The following SYNGR2 variants were observed in gnomAD, a reference collection of about 807,000 sequenced individuals.
The protein encoded by SYNGR2 is synaptogyrin-2.
SYNGR2 carries 11 observed loss-of-function variants against 18.7 expected under a neutral mutation model. The ratio of observed to expected loss-of-function variants is 0.59; its 90% CI spans 0.37 to 0.97. SYNGR2 has a LOEUF of 0.97. SYNGR2 is among the 50% of genes least tolerant of loss of function. The pLI, the probability that SYNGR2 is intolerant of heterozygous loss-of-function variation, is 0.01. For missense variants in SYNGR2, 253 were observed against 300.7 expected, an observed-to-expected ratio of 0.84 and a Z score of 1.17; for synonymous variants, 127 against 131.0, an observed-to-expected ratio of 0.97 and a Z score of 0.21.
chr17:78,169,057 C>G (rs1311430333), intron 1 of SYNGR2: 1 of 166,682 alleles, frequency 6.0e-6, no homozygotes, highest in Non-Finnish European at 1.3e-5. Context: ...GCCGCGACTC[C>G]CAGATTGGGG....
rs2075668132 is a variant in SYNGR2, at chr17:78,172,524, T to TCTTGCTCTCAGCAAGA, written c.*588_*589insCTTGCTCTCAGCAAGA. 6.4e-6 allele frequency: 1 copy of TCTTGCTCTCAGCAAGA among 156,812 alleles called. No homozygotes were observed. Among genetic ancestry groups the TCTTGCTCTCAGCAAGA allele is most frequent in the African/African-American group, 2.4e-5 (1 of 41,572 alleles). The allele number at this position is 156,812 out of a possible 1,614,324, so 9.7% of individuals were successfully genotyped here. ...GGCACTTCCTCCTTGCTCCCACCCC[T>TCTTGCTCTCAGCAAGA]GGCAGCAGGGAAGGGCTTTGCCTGA... On this transcript the variant is annotated 3_prime_UTR_variant, in exon 4 of 4. Transcript: ENST00000225777.
chr17:78,171,888 C>T lies in SYNGR2; in HGVS notation c.627C>T (p.Thr209=). The part of the protein sequence containing the change: ...SVDNYQQPPF[T]QNAETTEGYQ... ...ACAACTACCAACAGCCACCCTTCACCCAGAACGCGGAGACCACCGAGGGCT... is the reference window on the plus strand; with the variant it reads ...ACAACTACCAACAGCCACCCTTCACTCAGAACGCGGAGACCACCGAGGGCT... The change falls in exon 4 of 4, where the codon ACC becomes ACT. Residue 209 remains threonine (T), a synonymous_variant. Coordinates refer to ENST00000225777, the MANE Select transcript of SYNGR2 (RefSeq NM_004710.7). This position sits in a 1 kb window ranked among gnomAD's most constrained non-coding sequence, Gnocchi z 6.6. The T allele has an allele frequency of 6.2e-7, 1 of 1,613,894 alleles. No homozygotes were observed. Among genetic ancestry groups the T allele is most frequent in the East Asian group, 2.2e-5 (1 of 44,880 alleles).
At position 78,170,845 on chromosome 17, in the gene SYNGR2, T is replaced by C. The variant is rs1172035784; in HGVS notation, c.128T>C (p.Ile43Thr). 1 of 1,612,410 alleles carries C rather than the reference T, an allele frequency of 6.2e-7. No homozygotes were observed. Among genetic ancestry groups the C allele is most frequent in the African/African-American group, 1.3e-5 (1 of 74,928 alleles). ...LVFALIVFSC[I>T]YGEGYSNAHE... Reference sequence around the variant, plus strand: ...TTCGCCTTGATCGTGTTCTCCTGCATCTATGGTGAGGGCTACAGCAATGCC... The same window carrying C: ...TTCGCCTTGATCGTGTTCTCCTGCACCTATGGTGAGGGCTACAGCAATGCC... The change falls in exon 2 of 4, where the codon ATC (isoleucine) becomes ACC (threonine). Residue 43 changes from isoleucine (I) to threonine (T), a missense_variant. Ile to Thr is a moderately conservative substitution (Grantham distance 89). Transcript: ENST00000225777.
chr17:78,170,647 T>A (rs1402721280), intron 1 of SYNGR2, 170 bp from the exon 2 acceptor site: 3 of 674,762 alleles, frequency 4.4e-6, no homozygotes, highest in Non-Finnish European at 7.9e-6. Context: ...ATCGCACTAT[T>A]GCACTCCAGC....
chr17:78,168,975 G>T (rs1234653817), intron 1 of SYNGR2, among the ~76,000 whole-genome samples: 2 of 145,806 alleles, frequency 1.4e-5, no homozygotes, highest in East Asian at 2.2e-4. Context: ...CCGGATCTCC[G>T]CAGGGAGCGG....
Position 78,172,024 on chromosome 17 carries a change from C to T in SYNGR2, c.*88C>T, listed in dbSNP as rs1389640565. The T allele has an allele frequency of 1.9e-6, 3 of 1,590,682 alleles. No homozygotes were observed. On this transcript the variant is annotated 3_prime_UTR_variant, in exon 4 of 4. Coordinates refer to ENST00000225777, the MANE Select transcript of SYNGR2 (RefSeq NM_004710.7). ...GAGCCTCCTGGAACTGCCAGCCCCT[C>T]TCTTTCACCTGTTCCATCCTGTGCA... is the stretch of plus-strand genomic sequence containing the variant.
In SYNGR2 at chr17:78,168,698, G is replaced by T. The variant is rs142608913; in HGVS notation, c.82G>T (p.Ala28Ser). The part of the protein sequence containing the change: ...RRFLTQPQVV[A>S]RAVCLVFALI... ...CTTCCTGACGCAGCCGCAGGTGGTG[G>T]CGCGCGCCGTGTGCTTGGTGAGCCC... The change falls in exon 1 of 4, where the codon GCG becomes TCG. Residue 28 changes from alanine (A) to serine (S), a missense_variant. Transcript: ENST00000225777. The T allele has an allele frequency of 8.0e-3, 9,668 of 1,202,120 alleles. 581 individuals are homozygous for T. The African/African-American group carries it at 0.13, about 17-fold the overall frequency. 74.5% of individuals were successfully genotyped at this position (1,202,120 alleles called of 1,614,324 possible).
chr17:78,171,082 T>C lies in SYNGR2; in HGVS notation c.337+28T>C. ...ATCTGCCTGTGGCACCTCCATTTGA[T>C]CTTGGGGGAGGCATTAACTCTAGGG... On this transcript the variant is annotated intron_variant, in intron 2 of 3. Coordinates refer to ENST00000225777, the MANE Select transcript of SYNGR2 (RefSeq NM_004710.7). This position sits in a 1 kb window ranked among gnomAD's most constrained non-coding sequence, Gnocchi z 6.6. The C allele has an allele frequency of 6.2e-7, 1 of 1,604,100 alleles. No homozygotes were observed. Among genetic ancestry groups the C allele is most frequent in the South Asian group, 1.1e-5 (1 of 90,954 alleles).
rs2075664388 is a variant in SYNGR2, at chr17:78,172,117, G to A, written c.*181G>A. The A allele has an allele frequency of 1.1e-5, 16 of 1,402,216 alleles. No homozygotes were observed. Among genetic ancestry groups the A allele is most frequent in the Non-Finnish European group, 1.5e-5 (16 of 1,065,582 alleles). 86.9% of individuals were successfully genotyped at this position (1,402,216 alleles called of 1,614,324 possible). On this transcript the variant is annotated 3_prime_UTR_variant, in exon 4 of 4. Coordinates refer to ENST00000225777, the MANE Select transcript of SYNGR2 (RefSeq NM_004710.7). The stretch of plus-strand genomic sequence containing the variant: ...GCAGAGCCACACCCCAAGTGCCTGT[G>A]CCCAGAGGGCTTCAGTCAGCCGCTC...
Position 78,172,332 on chromosome 17 carries a change from G to A in SYNGR2, c.*396G>A, listed in dbSNP as rs755157102. On this transcript the variant is annotated 3_prime_UTR_variant, in exon 4 of 4. Transcript: ENST00000225777. The stretch of plus-strand genomic sequence containing the variant: ...TATCTGCGTTCTCTGCCAAAGACTC[G>A]TGGGGGCCATCACACCTGCCCTGTG... The A allele has an allele frequency of 9.0e-5, 38 of 422,674 alleles. No homozygotes were observed. Among genetic ancestry groups the A allele is most frequent in the Middle Eastern group, 6.4e-4 (1 of 1,570 alleles). The allele number at this position is 422,674 out of a possible 1,614,324, so 26.2% of individuals were successfully genotyped here. A position where few individuals can be genotyped will look rare whatever the true frequency, so the allele number is the denominator to read the frequency against.
At position 78,170,806 on chromosome 17, in the gene SYNGR2, C is replaced by T. The variant is rs772357246; in HGVS notation, c.100-11C>T. 3 of 1,603,224 alleles carry T rather than the reference C, an allele frequency of 1.9e-6. No individual in the cohort carries two copies. The highest frequency in any genetic ancestry group is 1.7e-4 in the Middle Eastern group (1 of 6,040). On this transcript the variant is annotated splice_polypyrimidine_tract_variant and intron_variant, in intron 1 of 3. Transcript: ENST00000225777. ...GGCCACCAGCCCTACCAGGTCCTCC[C>T]CTCCCGGCAGGTCTTCGCCTTGATC...
rs145550918 is a variant in SYNGR2 at position 78,171,009 on chromosome 17, G to T, written c.292G>T (p.Ala98Ser). The change falls in exon 2 of 4, where the codon GCC becomes TCC. Residue 98 changes from alanine (A) to serine (S), a missense_variant. By Grantham distance (99) the Ala-to-Ser change is moderately conservative. Transcript: ENST00000225777. The surrounding 1 kb of genome is among the most constrained non-coding windows in gnomAD (Gnocchi z 6.6). ...VDAYFPQISN[A>S]TDRKYLVIGD... ...CGCGTATTTCCCCCAGATCAGCAAC[G>T]CCACTGACCGCAAGTACCTGGTCAT... The T allele has an allele frequency of 1.2e-6, 2 of 1,613,218 alleles. No individual in the cohort carries two copies. Among genetic ancestry groups the T allele is most frequent in the Admixed American group, 1.7e-5 (1 of 59,988 alleles).
In SYNGR2 at chr17:78,171,327, C is replaced by T; in HGVS notation, c.338-183C>T. 1 of 774,082 alleles carries T rather than the reference C, an allele frequency of 1.3e-6. No individual in the cohort carries two copies. The allele number at this position is 774,082 out of a possible 1,614,324, so 48.0% of individuals were successfully genotyped here. ...CCCCTAGGCTGTCTGCTGTGGCCCA[C>T]CCTGCCAAGGCCCGAGTGTGGGGGA... On this transcript the variant is annotated intron_variant, in intron 2 of 3. Coordinates refer to ENST00000225777, the MANE Select transcript of SYNGR2 (RefSeq NM_004710.7). This position sits in a 1 kb window ranked among gnomAD's most constrained non-coding sequence, Gnocchi z 6.6.
intron 1 of SYNGR2, 129 bp downstream of exon 1, chr17:78,168,844 G>A (rs112700371): frequency 0.12 from 97,722 of 790,416 alleles, 6,850 homozygotes; most frequent in Middle Eastern, 0.25. Flanking sequence ...GGCGAGCGGG[G>A]CCGGCGTCCA....
chr17:78,168,557 G>A (rs2075634414), upstream of SYNGR2: 5 of 1,072,112 alleles, frequency 4.7e-6, no homozygotes, highest in East Asian at 1.9e-4. Flanking sequence ...GTGGAGTCGG[G>A]CGGGGCGCCG....
chr17:78,171,124 G>A lies in SYNGR2; in HGVS notation c.337+70G>A. On this transcript the variant is annotated intron_variant, in intron 2 of 3. Transcript: ENST00000225777. This position sits in a 1 kb window ranked among gnomAD's most constrained non-coding sequence, Gnocchi z 6.6. ...ACTCTAGGGTTCCGCAGCTGGGAGGGTCTCGGCCTCTCTGGGAGGGGCAGG... is the reference window on the plus strand; with the variant it reads ...ACTCTAGGGTTCCGCAGCTGGGAGGATCTCGGCCTCTCTGGGAGGGGCAGG... 1.4e-6 allele frequency: 2 copies of A among 1,478,034 alleles called. No homozygotes were observed. The highest frequency in any genetic ancestry group is 1.8e-4 in the Middle Eastern group (1 of 5,672). The allele number at this position is 1,478,034 out of a possible 1,614,324, so 91.6% of individuals were successfully genotyped here.
Position 78,171,105 on chromosome 17 carries a change from G to A in SYNGR2, c.337+51G>A, listed in dbSNP as rs1422850278. 8 of 1,563,096 alleles carry A rather than the reference G, an allele frequency of 5.1e-6. No individual in the cohort carries two copies. In the South Asian group the frequency reaches 7.8e-5, roughly 15 times the overall value. On this transcript the variant is annotated intron_variant, in intron 2 of 3. Coordinates refer to ENST00000225777, the MANE Select transcript of SYNGR2 (RefSeq NM_004710.7). The surrounding 1 kb of genome is among the most constrained non-coding windows in gnomAD (Gnocchi z 6.6). ...GATCTTGGGGGAGGCATTAACTCTA[G>A]GGTTCCGCAGCTGGGAGGGTCTCGG...
intron 1 of SYNGR2, 42 bp from the exon 2 acceptor site, chr17:78,170,775 T>C: frequency 6.4e-7 from 1 of 1,569,766 alleles, no homozygotes; most frequent in Non-Finnish European, 8.7e-7. Flanking sequence ...TGTGTGCCCC[T>C]CAGGCGGCCA....
Position 78,171,777 on chromosome 17 carries a change from T to G in SYNGR2, c.516T>G (p.Ala172=). ...LASLAYQRYK[A]GVDDFIQNYV... ...CCCTGGCCTACCAGCGCTACAAGGCTGGCGTGGACGACTTCATCCAGAATT... is the reference window on the plus strand; with the variant it reads ...CCCTGGCCTACCAGCGCTACAAGGCGGGCGTGGACGACTTCATCCAGAATT... Residue 172 remains alanine (A), a synonymous_variant, in exon 4 of 4, where the codon GCT becomes GCG. Coordinates refer to ENST00000225777, the MANE Select transcript of SYNGR2 (RefSeq NM_004710.7). The surrounding 1 kb of genome is among the most constrained non-coding windows in gnomAD (Gnocchi z 6.6). 6.2e-7 allele frequency: 1 copy of G among 1,614,072 alleles called. No homozygotes were observed. The highest frequency in any genetic ancestry group is 8.5e-7 in the Non-Finnish European group (1 of 1,179,990).
Sources: gnomAD v4.1 joint callset for allele counts (sites outside exome capture counted in the v4.1 genomes callset) on GRCh38, gnomAD v4.1.1 for gene constraint, Gnocchi (gnomAD v3.1) non-coding constraint, MANE v1.5 for transcripts, NCBI Gene and HGNC (gene_info 2026-07-23, HGNC 2026-07-21) for gene names.